Variants in DAB1 observed in about 807,000 individuals in gnomAD.
DAB1 encodes the protein DAB adaptor protein 1, also known as disabled homolog 1.
A neutral mutation model predicts 64.6 loss-of-function variants in DAB1; 15 were observed. The ratio of observed to expected loss-of-function variants is 0.23; its 90% CI spans 0.16 to 0.36. DAB1 has a LOEUF of 0.36. Among genes scored for constraint, DAB1 ranks in the 10% least tolerant of loss-of-function variants. The probability of loss-of-function intolerance (pLI) is 1.00; values close to 1 mark genes in which losing one functional copy is unlikely to be tolerated. For synonymous variants in DAB1, 235 were observed against 251.9 expected (o/e 0.93, Z 0.64); for missense variants, 596 against 706.7 (o/e 0.84, Z 1.78).
At chr1:57,680,739 C>T (rs1327605343) in intron 6 of DAB1, among the ~76,000 whole-genome samples, 1 of 152,118 alleles carries the variant, frequency 6.6e-6, no homozygotes, top group African/African-American at 2.4e-5. Flanking sequence ...TCTCCTTTGC[C>T]ATGTGTCTTA....
At chr1:58,041,392 G>A (rs1290891007) in intron 5 of DAB1, among the ~76,000 whole-genome samples, 3 of 152,172 alleles carry the variant, frequency 2.0e-5, no homozygotes, top group Non-Finnish European at 2.9e-5. Flanking sequence ...TAGGCCCTCA[G>A]CATATGATTG....
chr1:57,888,768 T>C (rs1180418516), upstream of DAB1, among the ~76,000 whole-genome samples: 2 of 152,216 alleles, frequency 1.3e-5, no homozygotes, highest in Non-Finnish European at 2.9e-5. Flanking sequence ...AATGAGAAAA[T>C]TAATCTGCAT....
intron 14 of DAB1, among the ~76,000 whole-genome samples, chr1:57,007,674 C>T (rs1216122421): frequency 6.6e-6 from 1 of 152,188 alleles, no homozygotes; most frequent in African/African-American, 2.4e-5. Context: ...GTCATCCCTA[C>T]TTACTCAGAA....
intron 4 of DAB1, among the ~76,000 whole-genome samples, chr1:57,096,961 G>A (rs1194533513): frequency 6.6e-6 from 1 of 152,132 alleles, no homozygotes; most frequent in East Asian, 1.9e-4. Context: ...TGCCCCATGG[G>A]ATTGTAATTA....
chr1:57,578,515 C>T (rs967456866), intron 7 of DAB1, among the ~76,000 whole-genome samples: 4 of 152,204 alleles, frequency 2.6e-5, no homozygotes, highest in African/African-American at 9.6e-5. Context: ...TTCCAGAGGG[C>T]ACACGCCTGG....
At chr1:58,513,541 T>G (rs1183084969) in intron 2 of DAB1, among the ~76,000 whole-genome samples, 2 of 152,148 alleles carry the variant, frequency 1.3e-5, no homozygotes, top group Non-Finnish European at 2.9e-5. Context: ...GAACTAATAA[T>G]GGCTACCGCT....
intron 7 of DAB1, among the ~76,000 whole-genome samples, chr1:57,629,785 G>A (rs943106889): frequency 6.7e-6 from 1 of 149,432 alleles, no homozygotes; most frequent in Non-Finnish European, 1.5e-5. Context: ...CTGCCAGAAG[G>A]AGGCCTTCTA....
chr1:58,501,993 T>G (rs965135479), intron 3 of DAB1, among the ~76,000 whole-genome samples: 9 of 152,000 alleles, frequency 5.9e-5, no homozygotes, highest in African/African-American at 2.2e-4. Context: ...ATAAGCTTCA[T>G]GAGGACAGGG....
intron 3 of DAB1, among the ~76,000 whole-genome samples, chr1:58,348,629 T>A (rs1644023150): frequency 6.6e-6 from 1 of 152,208 alleles, no homozygotes; most frequent in African/African-American, 2.4e-5. Context: ...TGGCCCTGAT[T>A]TATCCATCTT....
chr1:57,823,115 G>T (rs934294530), downstream of DAB1, among the ~76,000 whole-genome samples: 4 of 151,370 alleles, frequency 2.6e-5, no homozygotes, highest in East Asian at 2.0e-4. Context: ...CTCCTGAGTA[G>T]CTGGGATTAC....
intron 4 of DAB1, among the ~76,000 whole-genome samples, chr1:58,178,845 T>C (rs546556457): frequency 6.6e-6 from 1 of 152,164 alleles, no homozygotes; most frequent in Non-Finnish European, 1.5e-5. Flanking sequence ...GAATCTCCAG[T>C]ACAGTGTTAA....
At chr1:58,156,543 C>T (rs1244769964) in intron 4 of DAB1, among the ~76,000 whole-genome samples, 1 of 152,164 alleles carries the variant, frequency 6.6e-6, no homozygotes. Flanking sequence ...AGAGTTAATG[C>T]ACAATTTCAG....
chr1:57,785,550 C>T (rs1569678408), intron 6 of DAB1, among the ~76,000 whole-genome samples: 2 of 152,116 alleles, frequency 1.3e-5, no homozygotes, highest in African/African-American at 4.8e-5. Context: ...TCATGGATGA[C>T]TTTGAAAAGG....
At chr1:58,539,179 T>C (rs1284573924) in intron 1 of DAB1, 1 of 873,000 alleles carries the variant, frequency 1.1e-6, no homozygotes, top group Non-Finnish European at 2.0e-6. Context: ...TTGTACTTGA[T>C]GACAGCCCCG....
At chr1:58,289,067 A>G (rs1351665232) in intron 4 of DAB1, among the ~76,000 whole-genome samples, 1 of 152,184 alleles carries the variant, frequency 6.6e-6, no homozygotes, top group Non-Finnish European at 1.5e-5. Context: ...TTCTTTGTGT[A>G]GGCTGTCTCT....
intron 7 of DAB1, among the ~76,000 whole-genome samples, chr1:57,525,005 A>G (rs982175980): frequency 6.6e-6 from 1 of 152,234 alleles, no homozygotes; most frequent in South Asian, 2.1e-4. Flanking sequence ...TTTAGAGAAA[A>G]TGATTTACAA....
intron 7 of DAB1, among the ~76,000 whole-genome samples, chr1:57,470,827 C>T (rs72909294): frequency 0.1 from 15,497 of 152,170 alleles, 1,399 homozygotes; most frequent in African/African-American, 0.24. Context: ...TGGTTGATAT[C>T]ATTCCATATA....
intron 4 of DAB1, among the ~76,000 whole-genome samples, chr1:58,315,424 T>G (rs1026951537): frequency 1.3e-5 from 2 of 152,130 alleles, no homozygotes; most frequent in African/African-American, 4.8e-5. Context: ...AAGGGGAGTG[T>G]GTGTTTTCAG....
chr1:58,515,181 C>G (rs560643226), intron 2 of DAB1, among the ~76,000 whole-genome samples: 1 of 152,188 alleles, frequency 6.6e-6, no homozygotes, highest in East Asian at 1.9e-4. Flanking sequence ...CAACATTTTT[C>G]CAGGAAATAA....
Sources: gnomAD v4.1 joint callset for allele counts (sites outside exome capture counted in the v4.1 genomes callset) on GRCh38, gnomAD v4.1.1 for gene constraint, MANE v1.5 for transcripts, NCBI Gene and HGNC (gene_info 2026-07-23, HGNC 2026-07-21) for gene names.